NUAK1: variants seen among roughly 807,000 people sequenced by gnomAD.
The protein encoded by NUAK1 is NUAK family SNF1-like kinase 1.
NUAK1 carries 26 observed loss-of-function variants against 56.9 expected under a neutral mutation model. The ratio of observed to expected loss-of-function variants is 0.46; its 90% CI spans 0.33 to 0.63. NUAK1 has a LOEUF of 0.63. NUAK1 is among the 30% of genes least tolerant of loss of function. NUAK1 has a pLI of 0.02. For missense variants in NUAK1, 727 were observed against 876.1 expected, an observed-to-expected ratio of 0.83 and a Z score of 2.15; for synonymous variants, 337 against 336.0, an observed-to-expected ratio of 1.00 and a Z score of -0.03.
chr12:106,083,001 CG>C (rs932346416), intron 4 of NUAK1, among the ~76,000 whole-genome samples: 1 of 152,094 alleles, frequency 6.6e-6, no homozygotes, highest in African/African-American at 2.4e-5. Context: ...ATTTTGAAAC[CG>C]TATTTGCTTA....
intron 2 of NUAK1, among the ~76,000 whole-genome samples, chr12:106,088,070 T>TCAGGGTTCCAGGCAGATGGC (rs1318381444): frequency 6.6e-6 from 1 of 152,182 alleles, no homozygotes; most frequent in Non-Finnish European, 1.5e-5. Context: ...ATGTTCAAAG[T>TCAGGGTTCCAGGCAGATGGC]CAGGGTTCCA....
intron 4 of NUAK1, among the ~76,000 whole-genome samples, chr12:106,078,053 A>G (rs1054210986): frequency 1.3e-5 from 2 of 152,364 alleles, no homozygotes; most frequent in Non-Finnish European, 2.9e-5. Flanking sequence ...TGAAAATCAA[A>G]GCCAGATTAA....
intron 2 of NUAK1, among the ~76,000 whole-genome samples, chr12:106,099,802 T>C (rs749180183): frequency 8.6e-5 from 13 of 151,766 alleles, no homozygotes; most frequent in Non-Finnish European, 4.4e-5. Context: ...ATTTTATTTA[T>C]TTTTGTGAGA....
At chr12:106,089,832 C>A (rs2032617415) in intron 2 of NUAK1, among the ~76,000 whole-genome samples, 1 of 152,102 alleles carries the variant, frequency 6.6e-6, no homozygotes, top group Admixed American at 6.5e-5. Flanking sequence ...ACCTGTCTCA[C>A]CTCCAAGGAC....
At chr12:106,093,946 G>A (rs1009139734) in intron 2 of NUAK1, among the ~76,000 whole-genome samples, 3 of 151,840 alleles carry the variant, frequency 2.0e-5, no homozygotes, top group African/African-American at 2.4e-5. Flanking sequence ...CTACAGGCAC[G>A]TGCCACCACT....
Position 106,138,290 on chromosome 12 carries a change from T to C in NUAK1, c.240+124A>G, listed in dbSNP as rs2033148396. 3 of 1,331,086 alleles carry C rather than the reference T, an allele frequency of 2.3e-6. No individual in the cohort carries two copies. The African/African-American group carries it at 4.5e-5, about 20-fold the overall frequency. The allele number at this position is 1,331,086 out of a possible 1,614,324, so 82.5% of individuals were successfully genotyped here. ...AAGAGTGAGGAGTCTGTCTCGGGGC[T>C]TCCCAATGAGCCCCCTCTCTGTCAA... On this transcript the variant is annotated intron_variant, in intron 1 of 6. Transcript: ENST00000261402. The surrounding 1 kb of genome is among the most constrained non-coding windows in gnomAD (Gnocchi z 5.0).
At chr12:106,096,570 A>G (rs564136701) in intron 2 of NUAK1, among the ~76,000 whole-genome samples, 1 of 152,298 alleles carries the variant, frequency 6.6e-6, no homozygotes, top group East Asian at 1.9e-4. Flanking sequence ...AAAATGCTCA[A>G]CTATTTGCCA....
At chr12:106,129,064 G>A (rs1313883022) in intron 1 of NUAK1, among the ~76,000 whole-genome samples, 1 of 152,208 alleles carries the variant, frequency 6.6e-6, no homozygotes, top group Non-Finnish European at 1.5e-5. Context: ...GACTCTGAAC[G>A]AAGCCAGGCC....
At chr12:106,078,733 C>G (rs913861484) in intron 4 of NUAK1, among the ~76,000 whole-genome samples, 1 of 152,182 alleles carries the variant, frequency 6.6e-6, no homozygotes, top group African/African-American at 2.4e-5. Context: ...AAATTCCCAC[C>G]AGGAACAATG....
At chr12:106,078,029 A>T (rs1306450583) in intron 4 of NUAK1, among the ~76,000 whole-genome samples, 12 of 152,218 alleles carry the variant, frequency 7.9e-5, no homozygotes, top group Non-Finnish European at 1.6e-4. Context: ...AATACCGCCA[A>T]TCACTTGGTG....
chr12:106,119,559 A>G (rs1033831199), intron 1 of NUAK1, among the ~76,000 whole-genome samples: 1 of 152,224 alleles, frequency 6.6e-6, no homozygotes, highest in African/African-American at 2.4e-5. Flanking sequence ...GAAGCTGGAA[A>G]AATGGAACTA....
At chr12:106,111,027 T>C (rs542273944) in intron 1 of NUAK1, among the ~76,000 whole-genome samples, 3 of 152,222 alleles carry the variant, frequency 2.0e-5, no homozygotes, top group Non-Finnish European at 4.4e-5. Flanking sequence ...TAGGAAGGGC[T>C]GGGGGATGCA....
rs772681107 is a variant in NUAK1 at position 106,067,338 on chromosome 12, G to A, written c.1450C>T (p.Arg484Cys). 2.1e-5 allele frequency: 34 copies of A among 1,614,082 alleles called. No individual in the cohort carries two copies. The highest frequency in any genetic ancestry group is 6.7e-5 in the East Asian group (3 of 44,884). ...TCCAACAGCTCCGAAGACTCACTGC[G>A]CTCTGGGGAAGAGTAGTAACCTGAT... ...RESGYYSSPE[R>C]SESSELLDSN... Residue 484 changes from arginine to cysteine, a missense_variant, in exon 7 of 7, where the codon CGC (arginine) becomes TGC (cysteine). Physicochemically the swap from Arg to Cys is radical, Grantham distance 180. Coordinates refer to ENST00000261402, the MANE Select transcript of NUAK1 (RefSeq NM_014840.3). This position sits in a 1 kb window ranked among gnomAD's most constrained non-coding sequence, Gnocchi z 6.0.
intron 2 of NUAK1, among the ~76,000 whole-genome samples, chr12:106,102,397 G>T (rs989344040): frequency 1.3e-5 from 2 of 152,214 alleles, no homozygotes; most frequent in Non-Finnish European, 2.9e-5. Flanking sequence ...TGTCCCATAT[G>T]GTAGCCACTA....
At chr12:106,090,658 T>C (rs1486626703) in intron 2 of NUAK1, among the ~76,000 whole-genome samples, 1 of 152,142 alleles carries the variant, frequency 6.6e-6, no homozygotes, top group East Asian at 1.9e-4. Context: ...TATCAACCCC[T>C]CTGACCCTCC....
intron 2 of NUAK1, among the ~76,000 whole-genome samples, chr12:106,087,846 A>G (rs2032589811): frequency 6.6e-6 from 1 of 152,240 alleles, no homozygotes; most frequent in South Asian, 2.1e-4. Flanking sequence ...ATGGCCTCCC[A>G]AAGAGCTGGC....
chr12:106,091,043 A>T (rs1242889595), intron 2 of NUAK1, among the ~76,000 whole-genome samples: 1 of 152,242 alleles, frequency 6.6e-6, no homozygotes, highest in Non-Finnish European at 1.5e-5. Flanking sequence ...GTCACTATCT[A>T]CAAGGTGACA....
intron 1 of NUAK1, among the ~76,000 whole-genome samples, chr12:106,132,392 T>C (rs2033087372): frequency 1.3e-5 from 2 of 152,232 alleles, no homozygotes; most frequent in Non-Finnish European, 2.9e-5. Context: ...CTTGGCACCA[T>C]GTGAGGCATT....
intron 1 of NUAK1, among the ~76,000 whole-genome samples, chr12:106,117,260 C>A (rs570152852): frequency 1.3e-5 from 2 of 152,342 alleles, no homozygotes; most frequent in South Asian, 4.1e-4. Context: ...AGAACCATCC[C>A]AGCAAAGTGT....
Sources: allele counts gnomAD v4.1 joint callset (sites outside exome capture counted in the v4.1 genomes callset), GRCh38; gene constraint gnomAD v4.1.1; non-coding constraint Gnocchi (gnomAD v3.1); transcripts MANE v1.5; gene names NCBI Gene and HGNC (gene_info 2026-07-23, HGNC 2026-07-21).